OSBPL6: variants seen among roughly 807,000 people sequenced by gnomAD.
OSBPL6 encodes oxysterol-binding protein-related protein 6.
OSBPL6 carries 49 observed loss-of-function variants against 125.8 expected under a neutral mutation model. That is an observed-to-expected ratio of 0.39 (90% confidence interval 0.31 to 0.49). The LOEUF is 0.49. OSBPL6 is among the 20% of genes least tolerant of loss of function. The probability of loss-of-function intolerance (pLI) is 0.88; values close to 1 mark genes in which losing one functional copy is unlikely to be tolerated. For synonymous variants in OSBPL6, 394 were observed against 391.8 expected (o/e 1.01, Z -0.07); for missense variants, 986 against 1,135.4 (o/e 0.87, Z 1.89).
At chr2:178,310,916 G>A (rs958162075) in intron 3 of OSBPL6, among the ~76,000 whole-genome samples, 8 of 152,208 alleles carry the variant, frequency 5.3e-5, no homozygotes, top group South Asian at 2.1e-4. Flanking sequence ...CTGAGCCACC[G>A]TCATTTCTCA....
chr2:178,359,267 A>C (rs753233401), intron 12 of OSBPL6, among the ~76,000 whole-genome samples: 2 of 152,252 alleles, frequency 1.3e-5, no homozygotes, highest in Non-Finnish European at 2.9e-5. Flanking sequence ...ATACTTCTCC[A>C]AAGATGACAT....
chr2:178,225,160 G>A (rs1046622438), intron 1 of OSBPL6, among the ~76,000 whole-genome samples: 2 of 151,804 alleles, frequency 1.3e-5, no homozygotes, highest in Admixed American at 6.6e-5. Context: ...AGGCAGAAAG[G>A]CATTGTGTAG....
At chr2:178,272,112 C>T (rs1327473630) in intron 1 of OSBPL6, among the ~76,000 whole-genome samples, 1 of 152,186 alleles carries the variant, frequency 6.6e-6, no homozygotes. Flanking sequence ...GGGCAGCTGT[C>T]CAGTGGTCTG....
intron 13 of OSBPL6, among the ~76,000 whole-genome samples, chr2:178,369,271 A>G (rs1391856332): frequency 6.6e-6 from 1 of 152,242 alleles, no homozygotes; most frequent in Non-Finnish European, 1.5e-5. Context: ...AACTTTGCAT[A>G]GAATGTAAAA....
In OSBPL6 at chr2:178,236,941, T is replaced by A. The variant is rs142092019; in HGVS notation, c.-351+42267T>A. ...CTCTGTTCTTCTGGTTTGGGTTTCATGGCCTTAGCTTGGACCTCAAGTAGG... is the reference window on the plus strand; with the variant it reads ...CTCTGTTCTTCTGGTTTGGGTTTCAAGGCCTTAGCTTGGACCTCAAGTAGG... On this transcript the variant is annotated intron_variant, in intron 1 of 24. Coordinates refer to ENST00000190611, the MANE Select transcript of OSBPL6 (RefSeq NM_032523.4). Among the ~76,000 whole-genome samples, 295 of 152,322 alleles carry A rather than the reference T, an allele frequency of 1.9e-3. 5 individuals carry two copies. In the East Asian group the frequency reaches 0.042, roughly 22 times the overall value.
At chr2:178,205,784 T>A (rs1009923993) in intron 1 of OSBPL6, among the ~76,000 whole-genome samples, 2 of 152,226 alleles carry the variant, frequency 1.3e-5, no homozygotes, top group African/African-American at 4.8e-5. Context: ...ATGATAGATT[T>A]GTATATTTCC....
intron 1 of OSBPL6, among the ~76,000 whole-genome samples, chr2:178,201,078 G>C (rs2089234898): frequency 6.6e-6 from 1 of 152,322 alleles, no homozygotes; most frequent in South Asian, 2.1e-4. Context: ...ACAGGTGTGA[G>C]CCACTGTGCC....
chr2:178,299,138 T>G (rs1686038966), intron 2 of OSBPL6, among the ~76,000 whole-genome samples: 1 of 152,242 alleles, frequency 6.6e-6, no homozygotes. Flanking sequence ...TTTCAAAACA[T>G]GTTGGCAAAG....
intron 3 of OSBPL6, among the ~76,000 whole-genome samples, chr2:178,312,555 A>G (rs993861505): frequency 9.9e-5 from 15 of 151,904 alleles, no homozygotes; most frequent in Admixed American, 6.6e-4. Context: ...TCCCAGGTTC[A>G]AGTAATTCTG....
At position 178,306,125 on chromosome 2, in the gene OSBPL6, T is replaced by C. The variant is rs1267938864; in HGVS notation, c.-60T>C. 8 of 1,034,716 alleles carry C rather than the reference T, an allele frequency of 7.7e-6. No individual in the cohort carries two copies. In the East Asian group the frequency reaches 1.4e-4, roughly 19 times the overall value. The allele number at this position is 1,034,716 out of a possible 1,614,324, so 64.1% of individuals were successfully genotyped here. On this transcript the variant is annotated 5_prime_UTR_variant, in exon 3 of 25. Transcript: ENST00000190611. ...GAAAAATCATCTACTTCTTTGTTTG[T>C]GGATTTGAGAGAAGATTGGGATGGT...
At chr2:178,238,956 A>T (rs964915718) in intron 1 of OSBPL6, among the ~76,000 whole-genome samples, 7 of 152,198 alleles carry the variant, frequency 4.6e-5, no homozygotes, top group Non-Finnish European at 8.8e-5. Flanking sequence ...TTCCAAATAT[A>T]GATTTGTCTC....
At chr2:178,212,050 A>G (rs1225681212) in intron 1 of OSBPL6, among the ~76,000 whole-genome samples, 2 of 152,164 alleles carry the variant, frequency 1.3e-5, no homozygotes, top group African/African-American at 4.8e-5. Context: ...TCATCATCAA[A>G]TATTCATTAA....
intron 1 of OSBPL6, among the ~76,000 whole-genome samples, chr2:178,232,268 T>A (rs1394231870): frequency 6.6e-6 from 1 of 152,176 alleles, no homozygotes; most frequent in Admixed American, 6.5e-5. Flanking sequence ...CAATTATTGC[T>A]TTTTTTCTTT....
In OSBPL6 at chr2:178,306,197, G is replaced by C; in HGVS notation, c.13G>C (p.Glu5Gln). The C allele has an allele frequency of 2.5e-6, 4 of 1,612,530 alleles. No individual in the cohort carries two copies. The highest frequency in any genetic ancestry group is 3.4e-6 in the Non-Finnish European group (4 of 1,178,656). ...TCTAACTGCAGCGATGAGTTCAGAT[G>C]AGAAGGGCATTTCCCCTGCTCATAA... is the stretch of plus-strand genomic sequence containing the variant. MSSD[E>Q]KGISPAHKTS... The change falls in exon 3 of 25, where the codon GAG (glutamate) becomes CAG (glutamine). Residue 5 changes from glutamate to glutamine, a missense_variant. Glu to Gln is a conservative substitution (Grantham distance 29). This residue lies in a region of OSBPL6 where 130 missense variants were observed against 106.4 expected (regional missense o/e 1.22). Coordinates refer to ENST00000190611, the MANE Select transcript of OSBPL6 (RefSeq NM_032523.4).
rs1440614118 is a variant in OSBPL6, at chr2:178,306,153, T to G, written c.-32T>G. The G allele has an allele frequency of 3.0e-6, 4 of 1,337,118 alleles. No homozygotes were observed. In the East Asian group the frequency reaches 9.2e-5, roughly 31 times the overall value. The allele number at this position is 1,337,118 out of a possible 1,614,324, so 82.8% of individuals were successfully genotyped here. A position where few individuals can be genotyped will look rare whatever the true frequency, so the allele number is the denominator to read the frequency against. On this transcript the variant is annotated 5_prime_UTR_variant, in exon 3 of 25. It introduces an in-frame stop codon into an upstream open reading frame of the 5' UTR. Transcript: ENST00000190611. ...ATTTGAGAGAAGATTGGGATGGTCTTAAGTGCATAAAACGAGACTCTAACT... is the reference window on the plus strand; with the variant it reads ...ATTTGAGAGAAGATTGGGATGGTCTGAAGTGCATAAAACGAGACTCTAACT...
rs780736972 is a variant in OSBPL6, at chr2:178,384,159, C to G, written c.1996C>G (p.Arg666Gly). ...YECIREDKGF[R>G]FFSEQVSHHP... ...ATGCATTAGAGAAGACAAGGGATTC[C>G]GCTTTTTCTCAGAACAGGTAAGCGC... is the stretch of plus-strand genomic sequence containing the variant. Residue 666 changes from arginine to glycine, a missense_variant, in exon 18 of 25, where the codon CGC (arginine) becomes GGC (glycine). Transcript: ENST00000190611. The G allele has an allele frequency of 7.4e-6, 12 of 1,613,830 alleles. No homozygotes were observed. Among genetic ancestry groups the G allele is most frequent in the African/African-American group, 1.3e-5 (1 of 75,038 alleles).
chr2:178,252,509 G>A (rs541092664), intron 1 of OSBPL6, among the ~76,000 whole-genome samples: 35 of 152,172 alleles, frequency 2.3e-4, no homozygotes, highest in African/African-American at 7.7e-4. Context: ...CATTTAAACC[G>A]GGGAAGATGA....
Position 178,373,933 on chromosome 2 carries a change from T to C in OSBPL6, c.1439T>C (p.Val480Ala), listed in dbSNP as rs548653730. ...GTCAGTCTCCCCTTATCACAGCAAG[T>C]AGCCAATGAGAGCCGCCTCTCCATG... ...IHVSLPLSQQVANESRLSMSE... is the reference protein window; with the variant it reads ...IHVSLPLSQQAANESRLSMSE... Residue 480 changes from valine (V) to alanine (A), a missense_variant, in exon 15 of 25, where the codon GTA becomes GCA. Coordinates refer to ENST00000190611, the MANE Select transcript of OSBPL6 (RefSeq NM_032523.4). 1.2e-6 allele frequency: 2 copies of C among 1,614,132 alleles called. No individual in the cohort carries two copies. The highest frequency in any genetic ancestry group is 4.5e-5 in the East Asian group (2 of 44,876).
At chr2:178,304,748 C>T (rs1686607985) in intron 2 of OSBPL6, among the ~76,000 whole-genome samples, 1 of 152,194 alleles carries the variant, frequency 6.6e-6, no homozygotes, top group Non-Finnish European at 1.5e-5. Flanking sequence ...TCATGGCCTA[C>T]AAGGTCCTGC....
Sources: gnomAD v4.1 joint callset for allele counts (sites outside exome capture counted in the v4.1 genomes callset) on GRCh38, gnomAD v4.1.1 for gene constraint, gnomAD v4.1.1 regional missense constraint, MANE v1.5 for transcripts, NCBI Gene and HGNC (gene_info 2026-07-23, HGNC 2026-07-21) for gene names.